The following HSD17B7 variants were observed in gnomAD, a reference collection of about 807,000 sequenced individuals.
The protein encoded by HSD17B7 is 3-keto-steroid reductase/17-beta-hydroxysteroid dehydrogenase 7.
Under a neutral mutation model 34.1 loss-of-function variants are expected in HSD17B7, and 17 were observed. The observed-to-expected ratio is 0.50, with a 90% CI of 0.34 to 0.75. The LOEUF is 0.75. Among genes scored for constraint, HSD17B7 ranks in the 30% least tolerant of loss-of-function variants. The pLI, the probability that HSD17B7 is intolerant of heterozygous loss-of-function variation, is 0.01. For synonymous variants in HSD17B7, 122 were observed against 154.6 expected, an observed-to-expected ratio of 0.79 and a Z score of 1.56; for missense variants, 296 against 406.6, an observed-to-expected ratio of 0.73 and a Z score of 2.34.
intron 5 of HSD17B7, among the ~76,000 whole-genome samples, chr1:162,802,195 G>T (rs1648834459): frequency 1.3e-5 from 2 of 152,154 alleles, no homozygotes; most frequent in African/African-American, 4.8e-5. Context: ...CAAATGGAAG[G>T]ATACAGTCTT....
rs2257863 is a variant in HSD17B7 at position 162,797,951 on chromosome 1, C to T, written c.447+35C>T. The stretch of plus-strand genomic sequence containing the variant: ...CTGTGGGCTTAATAAGCTAATATTT[C>T]GTGTGATAGTTTCTGTAAAGCTCTG... On this transcript the variant is annotated intron_variant, in intron 4 of 8. Transcript: ENST00000254521. 1.3e-3 allele frequency: 2,139 copies of T among 1,608,274 alleles called. 2 individuals carry two copies. The highest frequency in any genetic ancestry group is 1.7e-3 in the Non-Finnish European group (1,976 of 1,176,542).
At chr1:162,811,554 C>T (rs1236145860) in intron 8 of HSD17B7, among the ~76,000 whole-genome samples, 5 of 152,162 alleles carry the variant, frequency 3.3e-5, no homozygotes, top group African/African-American at 1.2e-4. Flanking sequence ...GCATGAAACA[C>T]AAGAATGTAA....
intron 2 of HSD17B7, among the ~76,000 whole-genome samples, chr1:162,794,668 A>G (rs1209971596): frequency 1.3e-5 from 2 of 151,818 alleles, no homozygotes; most frequent in Non-Finnish European, 2.9e-5. Flanking sequence ...TCTTTTCCCA[A>G]ACTTTCTTAG....
intron 3 of HSD17B7, chr1:162,797,478 T>C (rs917500738): frequency 1.4e-5 from 3 of 212,274 alleles, no homozygotes; most frequent in African/African-American, 6.9e-5. Context: ...TAGCTTATTA[T>C]TCCTTTAGAA....
chr1:162,808,534 A>G (rs1419915425), intron 8 of HSD17B7, among the ~76,000 whole-genome samples: 4 of 152,206 alleles, frequency 2.6e-5, no homozygotes, highest in African/African-American at 7.2e-5. Flanking sequence ...TGGGGATGGC[A>G]TTGAATCTAT....
At chr1:162,807,444 C>G (rs1405755617) in intron 8 of HSD17B7, among the ~76,000 whole-genome samples, 1 of 152,146 alleles carries the variant, frequency 6.6e-6, no homozygotes, top group African/African-American at 2.4e-5. Flanking sequence ...ACATGTGCAT[C>G]TGTCCTTATA....
chr1:162,796,214 G>A (rs1222138654), intron 2 of HSD17B7, among the ~76,000 whole-genome samples: 8 of 152,048 alleles, frequency 5.3e-5, no homozygotes, highest in South Asian at 2.1e-4. Context: ...TTTGTAAGAC[G>A]AGGAGAGTGG....
chr1:162,809,488 T>C (rs1341574068), intron 8 of HSD17B7, among the ~76,000 whole-genome samples: 3 of 152,186 alleles, frequency 2.0e-5, no homozygotes, highest in African/African-American at 7.2e-5. Flanking sequence ...CCTCATAAAA[T>C]GAGTTGGGGA....
At chr1:162,803,616 A>G (rs1648889679) in intron 6 of HSD17B7, 81 bp downstream of exon 6, 2 of 1,501,108 alleles carry the variant, frequency 1.3e-6, no homozygotes. Context: ...GGGTTGGGAA[A>G]TGATTTAAGG....
At chr1:162,792,224 A>G (rs1028419048) in intron 1 of HSD17B7, among the ~76,000 whole-genome samples, 1 of 152,200 alleles carries the variant, frequency 6.6e-6, no homozygotes, top group Non-Finnish European at 1.5e-5. Flanking sequence ...AGTAGGTGGT[A>G]GAGCCCTTGC....
intron 8 of HSD17B7, among the ~76,000 whole-genome samples, chr1:162,806,047 C>T (rs766580230): frequency 2.6e-5 from 4 of 151,992 alleles, no homozygotes; most frequent in South Asian, 4.2e-4. Context: ...TGAAGAGGAA[C>T]AGAATAATGT....
chr1:162,799,664 C>T, intron 4 of HSD17B7, 79 bp from the exon 5 acceptor site: 2 of 870,278 alleles, frequency 2.3e-6, no homozygotes, highest in South Asian at 3.6e-5. Context: ...AATCTCTTAC[C>T]ATACAGTACA....
At position 162,790,719 on chromosome 1, in the gene HSD17B7, G is replaced by A; in HGVS notation, c.-82G>A. ...GCGTGGCCGTACTCTGATTGGTGAC[G>A]GGTGAGGCGGCCCGAAATCGTAGGA... On this transcript the variant is annotated 5_prime_UTR_variant, in exon 1 of 9. Coordinates refer to ENST00000254521, the MANE Select transcript of HSD17B7 (RefSeq NM_016371.4). 1.1e-6 allele frequency: 1 copy of A among 888,858 alleles called. No homozygotes were observed. The highest frequency in any genetic ancestry group is 2.7e-5 in the East Asian group (1 of 37,290). 55.1% of individuals were successfully genotyped at this position (888,858 alleles called of 1,614,324 possible).
chr1:162,808,913 A>T (rs1432361854), intron 8 of HSD17B7, among the ~76,000 whole-genome samples: 4 of 152,198 alleles, frequency 2.6e-5, no homozygotes, highest in Admixed American at 1.3e-4. Flanking sequence ...GTAATTTGCA[A>T]ACAGGGACAA....
intron 2 of HSD17B7, among the ~76,000 whole-genome samples, chr1:162,793,968 T>C (rs929590337): frequency 2.0e-5 from 3 of 152,206 alleles, no homozygotes; most frequent in African/African-American, 7.2e-5. Flanking sequence ...CAATAGTTGG[T>C]ATATGAAGGA....
At chr1:162,806,616 A>G (rs927914896) in intron 8 of HSD17B7, among the ~76,000 whole-genome samples, 6 of 152,236 alleles carry the variant, frequency 3.9e-5, no homozygotes, top group African/African-American at 1.4e-4. Context: ...GTACTTCACC[A>G]TGAATATTTT....
chr1:162,793,730 G>A (rs1178772001), intron 2 of HSD17B7, among the ~76,000 whole-genome samples: 2 of 152,162 alleles, frequency 1.3e-5, no homozygotes, highest in Non-Finnish European at 2.9e-5. Flanking sequence ...TTCACATAAT[G>A]AATTCATTAA....
At chr1:162,802,201 G>A (rs1162239831) in intron 5 of HSD17B7, among the ~76,000 whole-genome samples, 10 of 152,316 alleles carry the variant, frequency 6.6e-5, no homozygotes, top group South Asian at 6.2e-4. Flanking sequence ...GAAGGATACA[G>A]TCTTGGTTAA....
At chr1:162,804,494 T>C (rs1648917402) in intron 7 of HSD17B7, among the ~76,000 whole-genome samples, 171 bp downstream of exon 7, 1 of 152,126 alleles carries the variant, frequency 6.6e-6, no homozygotes, top group African/African-American at 2.4e-5. Flanking sequence ...CACAGAACAT[T>C]AGGAGTGAAG....
Sources: allele counts gnomAD v4.1 joint callset (sites outside exome capture counted in the v4.1 genomes callset), GRCh38; gene constraint gnomAD v4.1.1; transcripts MANE v1.5; gene names NCBI Gene and HGNC (gene_info 2026-07-23, HGNC 2026-07-21).